The following CPNE4 variants were observed in gnomAD, a reference collection of about 807,000 sequenced individuals.
The protein encoded by CPNE4 is copine 4.
CPNE4 carries 25 observed loss-of-function variants against 67.9 expected under a neutral mutation model. The observed-to-expected ratio is 0.37, with a 90% CI of 0.27 to 0.51. The LOEUF (loss-of-function observed/expected upper bound fraction) is 0.51, where lower values mean the gene tolerates loss of function less well. Among genes scored for constraint, CPNE4 ranks in the 20% least tolerant of loss-of-function variants. The probability of loss-of-function intolerance (pLI) is 0.93; values close to 1 mark genes in which losing one functional copy is unlikely to be tolerated. For synonymous variants in CPNE4, 242 were observed against 244.9 expected (o/e 0.99, Z 0.11); for missense variants, 464 against 690.8 (o/e 0.67, Z 3.68).
intron 5 of CPNE4, among the ~76,000 whole-genome samples, chr3:131,692,542 T>C (rs1408184587): frequency 6.6e-6 from 1 of 152,170 alleles, no homozygotes; most frequent in Non-Finnish European, 1.5e-5. Flanking sequence ...TTACTGTTTG[T>C]TTTTGTGAAT....
intron 1 of CPNE4, among the ~76,000 whole-genome samples, chr3:131,987,155 A>G (rs1375441085): frequency 6.6e-6 from 1 of 152,214 alleles, no homozygotes; most frequent in African/African-American, 2.4e-5. Context: ...GAAAATATTA[A>G]GTAAAAAATA....
intron 7 of CPNE4, among the ~76,000 whole-genome samples, chr3:131,664,429 T>C (rs923494252): frequency 6.6e-6 from 1 of 152,188 alleles, no homozygotes; most frequent in Non-Finnish European, 1.5e-5. Context: ...TAATTTATTT[T>C]CTTATAAATC....
chr3:131,767,258 AGCGT>A (rs1217820756), intron 2 of CPNE4, among the ~76,000 whole-genome samples: 1 of 55,696 alleles, frequency 1.8e-5, no homozygotes, highest in Admixed American at 1.9e-4. Context: ...GCTAAGTGTG[AGCGT>A]GTGTGTGTGT....
chr3:131,917,341 A>T (rs542083085), intron 1 of CPNE4, among the ~76,000 whole-genome samples: 18 of 152,322 alleles, frequency 1.2e-4, no homozygotes, highest in African/African-American at 4.3e-4. Flanking sequence ...AAGATGTAGC[A>T]TGTGAGCCGA....
At chr3:131,547,478 AAAAAAAAAAAAAAAAAAAAAAAAC>A (rs1935927973) in intron 14 of CPNE4, among the ~76,000 whole-genome samples, 1 of 138,144 alleles carries the variant, frequency 7.2e-6, no homozygotes, top group Admixed American at 7.2e-5. Context: ...AAAAAAAAAA[AAAAAAAAAAAAAAAAAAAAAAAAC>A]CTAATAGTGT....
chr3:131,881,833 GGTGAA>G (rs1330701327), intron 2 of CPNE4, among the ~76,000 whole-genome samples: 1 of 152,008 alleles, frequency 6.6e-6, no homozygotes, highest in Admixed American at 6.5e-5. Flanking sequence ...CCGCAGTTGT[GGTGAA>G]GTGGTCAAAT....
At chr3:131,723,694 A>G in intron 2 of CPNE4, 69 bp from the exon 3 acceptor site, 1 of 1,372,506 alleles carries the variant, frequency 7.3e-7, no homozygotes, top group South Asian at 1.3e-5. Context: ...AAGAAAATTC[A>G]TCTCAGAGCA....
At chr3:131,723,409 G>C (rs779257321) in intron 3 of CPNE4, 37 bp downstream of exon 3, 16 of 1,589,292 alleles carry the variant, frequency 1.0e-5, no homozygotes, top group South Asian at 1.0e-4. Flanking sequence ...AAGGCCCTAG[G>C]ATGGCAAGGA....
chr3:131,648,216 A>T (rs189988354), intron 7 of CPNE4, among the ~76,000 whole-genome samples: 1 of 152,328 alleles, frequency 6.6e-6, no homozygotes. Flanking sequence ...TACAAAAAAC[A>T]CAAAAATTAG....
chr3:131,675,756 C>A (rs9873225), intron 6 of CPNE4, among the ~76,000 whole-genome samples: 52,663 of 150,300 alleles, frequency 0.35, 10,869 homozygotes, highest in Non-Finnish European at 0.48. Flanking sequence ...ATCCATTCGG[C>A]AACCCTATGT....
intron 1 of CPNE4, among the ~76,000 whole-genome samples, chr3:131,933,756 T>C (rs1023528027): frequency 1.3e-5 from 2 of 150,740 alleles, no homozygotes; most frequent in Non-Finnish European, 2.9e-5. Flanking sequence ...TGGAGGACAT[T>C]ATGCTAAGTG....
intron 2 of CPNE4, among the ~76,000 whole-genome samples, chr3:131,752,111 G>T (rs1560239872): frequency 6.6e-6 from 1 of 152,136 alleles, no homozygotes; most frequent in East Asian, 1.9e-4. Flanking sequence ...TTTACCATGT[G>T]ATCTTTAATC....
At chr3:131,954,784 C>T (rs559337138) in intron 1 of CPNE4, among the ~76,000 whole-genome samples, 38 of 152,110 alleles carry the variant, frequency 2.5e-4, no homozygotes, top group Admixed American at 2.4e-3. Flanking sequence ...CTCAGAATGA[C>T]GGTTTCCAGC....
Position 131,957,939 on chromosome 3 carries a change from G to C in CPNE4, c.-1-52495C>G, listed in dbSNP as rs573148335. Among the ~76,000 whole-genome samples, 6 of 152,314 alleles carry C rather than the reference G, an allele frequency of 3.9e-5. 1 individual carries two copies. The highest frequency in any genetic ancestry group is 7.2e-5 in the African/African-American group (3 of 41,564). Reference sequence around the variant, plus strand: ...TTCTAAACACTGAATTTTTGGTTGGGGGGAGAAGGATGTAAGCTAGAGACA... The same window carrying C: ...TTCTAAACACTGAATTTTTGGTTGGCGGGAGAAGGATGTAAGCTAGAGACA... On this transcript the variant is annotated intron_variant, in intron 1 of 15. Coordinates refer to ENST00000429747, the MANE Select transcript of CPNE4 (RefSeq NM_130808.3).
intron 1 of CPNE4, among the ~76,000 whole-genome samples, chr3:132,001,553 GAGAAAGAAAGAAAGAA>G (rs763509045): frequency 0.011 from 1,082 of 101,854 alleles, 21 homozygotes; most frequent in African/African-American, 0.021. Context: ...AAAGAAAAAA[GAGAAAGAAAGAAAGAA>G]AGAAAGAAAG....
At chr3:131,733,755 G>T (rs1014435027) in intron 2 of CPNE4, among the ~76,000 whole-genome samples, 1 of 152,164 alleles carries the variant, frequency 6.6e-6, no homozygotes, top group Non-Finnish European at 1.5e-5. Context: ...TCAGATGTTG[G>T]TTATTAACAG....
At chr3:131,655,264 C>G (rs2079923387) in intron 7 of CPNE4, among the ~76,000 whole-genome samples, 1 of 152,208 alleles carries the variant, frequency 6.6e-6, no homozygotes, top group Non-Finnish European at 1.5e-5. Flanking sequence ...ATCAGAGACT[C>G]TGGGGTTAGG....
intron 1 of CPNE4, among the ~76,000 whole-genome samples, chr3:131,929,887 CTT>C (rs1262192950): frequency 1.3e-5 from 2 of 152,146 alleles, no homozygotes; most frequent in African/African-American, 4.8e-5. Flanking sequence ...GCAGAGAACA[CTT>C]TTCATAGGAA....
intron 1 of CPNE4, among the ~76,000 whole-genome samples, chr3:131,957,305 G>A (rs950669322): frequency 6.6e-6 from 1 of 152,172 alleles, no homozygotes; most frequent in Non-Finnish European, 1.5e-5. Context: ...ATAGCTTCTT[G>A]AATTGAGCCA....
Sources: allele counts gnomAD v4.1 joint callset (sites outside exome capture counted in the v4.1 genomes callset), GRCh38; gene constraint gnomAD v4.1.1; transcripts MANE v1.5; gene names NCBI Gene and HGNC (gene_info 2026-07-23, HGNC 2026-07-21).